ADAMTS15: variants seen among roughly 807,000 people sequenced by gnomAD.
The protein encoded by ADAMTS15 is A disintegrin and metalloproteinase with thrombospondin motifs 15.
ADAMTS15 carries 35 observed loss-of-function variants against 79.1 expected under a neutral mutation model. That is an observed-to-expected ratio of 0.44 (90% CI 0.34 to 0.59). The LOEUF is 0.59. Among genes scored for constraint, ADAMTS15 ranks in the 20% least tolerant of loss-of-function variants. The pLI is 0.02. For synonymous variants in ADAMTS15, 616 were observed against 567.3 expected (o/e 1.09, Z -1.22); for missense variants, 1,324 against 1,318.7 (o/e 1.00, Z -0.06).
chr11:130,452,143 A>AGTG (rs1257427685), intron 1 of ADAMTS15, among the ~76,000 whole-genome samples: 1 of 151,438 alleles, frequency 6.6e-6, no homozygotes, highest in Non-Finnish European at 1.5e-5. Flanking sequence ...GGGGGAAGGT[A>AGTG]CAGTATTTGA....
Position 130,449,466 on chromosome 11 carries a change from G to T in ADAMTS15, c.493G>T (p.Gly165Trp). Residue 165 changes from glycine to tryptophan, a missense_variant, in exon 1 of 8, where the codon GGG becomes TGG. Coordinates refer to ENST00000299164, the MANE Select transcript of ADAMTS15 (RefSeq NM_139055.4). The surrounding 1 kb of genome is among the most constrained non-coding windows in gnomAD (Gnocchi z 7.8). ...TCTCCAGCGCCGGGGTGTTCCGGGCGGGCCTTCCGGAGACCCCACCTCTCG... is the reference window on the plus strand; with the variant it reads ...TCTCCAGCGCCGGGGTGTTCCGGGCTGGCCTTCCGGAGACCCCACCTCTCG... The part of the protein sequence containing the change: ...HLLQRRGVPG[G>W]PSGDPTSRCG... The T allele has an allele frequency of 6.4e-7, 1 of 1,569,394 alleles. No individual in the cohort carries two copies. The highest frequency in any genetic ancestry group is 1.2e-5 in the South Asian group (1 of 85,988).
chr11:130,454,077 C>G (rs1938023740), intron 1 of ADAMTS15, among the ~76,000 whole-genome samples: 1 of 152,188 alleles, frequency 6.6e-6, no homozygotes, highest in Admixed American at 6.5e-5. Flanking sequence ...CTTGGCCTCC[C>G]AAAGTGCTGA....
intron 5 of ADAMTS15, among the ~76,000 whole-genome samples, chr11:130,470,212 A>G (rs200613494): frequency 0.049 from 2,557 of 51,872 alleles, 137 homozygotes; most frequent in Middle Eastern, 0.087. Context: ...ATATATATGT[A>G]TATATATATA....
Position 130,471,021 on chromosome 11 carries a change from T to G in ADAMTS15, c.1822T>G (p.Ser608Ala). ...TLAVAWVPKY[S>A]GVSPRDKCKL... The stretch of plus-strand genomic sequence containing the variant: ...CGCCGTGGCATGGGTGCCCAAGTAC[T>G]CCGGCGTGTCTCCCCGGGACAAGTG... The change falls in exon 6 of 8, where the codon TCC becomes GCC. Residue 608 changes from serine (S) to alanine (A), a missense_variant. Coordinates refer to ENST00000299164, the MANE Select transcript of ADAMTS15 (RefSeq NM_139055.4). The G allele has an allele frequency of 3.1e-6, 5 of 1,613,784 alleles. No individual in the cohort carries two copies. The highest frequency in any genetic ancestry group is 3.4e-6 in the Non-Finnish European group (4 of 1,180,030).
In ADAMTS15 at chr11:130,472,498, A is replaced by G. The variant is rs1938478626; in HGVS notation, c.2079-549A>G. The stretch of plus-strand genomic sequence containing the variant: ...GGAGCCTTAGAAATCATTTAGCTTA[A>G]CCTACTCATTATGCAGATGAGGACA... On this transcript the variant is annotated intron_variant, in intron 7 of 7. Coordinates refer to ENST00000299164, the MANE Select transcript of ADAMTS15 (RefSeq NM_139055.4). This position sits in a 1 kb window ranked among gnomAD's most constrained non-coding sequence, Gnocchi z 4.7. Among the ~76,000 whole-genome samples the G allele has an allele frequency of 6.6e-6, 1 of 152,118 alleles. No homozygotes were observed. Among genetic ancestry groups the G allele is most frequent in the Non-Finnish European group, 1.5e-5 (1 of 68,024 alleles).
In ADAMTS15 at chr11:130,449,763, A is replaced by G; in HGVS notation, c.790A>G (p.Ile264Val). ...RHPSILNPIN[I>V]VVVKVLLLRD... ...TCCCAGCATCCTCAACCCCATCAAC[A>G]TCGTTGTGGTCAAGGTGCTGCTTCT... The change falls in exon 1 of 8, where the codon ATC becomes GTC. Residue 264 changes from isoleucine to valine, a missense_variant. Physicochemically the swap from Ile to Val is conservative, Grantham distance 29 (BLOSUM62 3). Transcript: ENST00000299164. The surrounding 1 kb of genome is among the most constrained non-coding windows in gnomAD (Gnocchi z 7.8). 1 of 1,612,576 alleles carries G rather than the reference A, an allele frequency of 6.2e-7. No homozygotes were observed. The highest frequency in any genetic ancestry group is 8.5e-7 in the Non-Finnish European group (1 of 1,179,950).
At chr11:130,463,211 T>C (rs1281334149) in intron 4 of ADAMTS15, among the ~76,000 whole-genome samples, 1 of 152,186 alleles carries the variant, frequency 6.6e-6, no homozygotes, top group African/African-American at 2.4e-5. Context: ...GGGACCATGC[T>C]CAGGAACAGG....
intron 4 of ADAMTS15, 71 bp from the exon 5 acceptor site, chr11:130,469,190 GT>G: frequency 7.6e-7 from 1 of 1,316,602 alleles, no homozygotes; most frequent in South Asian, 2.5e-5. Context: ...GTACAGTGTA[GT>G]TTTCTATGGG....
chr11:130,451,028 A>G (rs965824289), intron 1 of ADAMTS15, among the ~76,000 whole-genome samples: 2 of 152,202 alleles, frequency 1.3e-5, no homozygotes, highest in African/African-American at 4.8e-5. Flanking sequence ...AAACGTTTAG[A>G]TTCACAGGTG....
At chr11:130,457,001 G>A (rs1343653674) in intron 1 of ADAMTS15, among the ~76,000 whole-genome samples, 1 of 152,126 alleles carries the variant, frequency 6.6e-6, no homozygotes, top group Non-Finnish European at 1.5e-5. Context: ...GGGAGGCTGG[G>A]GTGGGTGGAT....
At position 130,472,975 on chromosome 11, in the gene ADAMTS15, A is replaced by C; in HGVS notation, c.2079-72A>C. On this transcript the variant is annotated intron_variant, in intron 7 of 7. Transcript: ENST00000299164. This position sits in a 1 kb window ranked among gnomAD's most constrained non-coding sequence, Gnocchi z 4.7. Reference sequence around the variant, plus strand: ...ACCGAAAGCTAGGTTTACTGAGGAAAACAGATCCTGGAGCATAAGGTCCTC... The same window carrying C: ...ACCGAAAGCTAGGTTTACTGAGGAACACAGATCCTGGAGCATAAGGTCCTC... The C allele has an allele frequency of 6.4e-7, 1 of 1,559,146 alleles. No individual in the cohort carries two copies. Among genetic ancestry groups the C allele is most frequent in the Non-Finnish European group, 8.7e-7 (1 of 1,151,986 alleles).
intron 4 of ADAMTS15, among the ~76,000 whole-genome samples, chr11:130,466,001 T>G (rs1476706505): frequency 4.6e-5 from 7 of 152,072 alleles, no homozygotes; most frequent in Admixed American, 4.6e-4. Flanking sequence ...GCCTCCCCAG[T>G]AGCTGGGATT....
At chr11:130,461,812 C>T (rs988344744) in intron 2 of ADAMTS15, among the ~76,000 whole-genome samples, 191 bp downstream of exon 2, 1 of 152,182 alleles carries the variant, frequency 6.6e-6, no homozygotes, top group African/African-American at 2.4e-5. Context: ...GTGGTTTGAG[C>T]CCCTTGGCAG....
intron 4 of ADAMTS15, among the ~76,000 whole-genome samples, chr11:130,464,591 C>A (rs561824917): frequency 1.3e-5 from 2 of 152,254 alleles, no homozygotes; most frequent in East Asian, 3.9e-4. Context: ...TCCCATCATG[C>A]CTCACCCTTC....
At chr11:130,454,696 G>C (rs1241226984) in intron 1 of ADAMTS15, among the ~76,000 whole-genome samples, 1 of 152,184 alleles carries the variant, frequency 6.6e-6, no homozygotes, top group African/African-American at 2.4e-5. Flanking sequence ...GAAGGAGTGG[G>C]AAGAGAGAGG....
At chr11:130,456,053 C>G (rs1938071943) in intron 1 of ADAMTS15, among the ~76,000 whole-genome samples, 1 of 152,198 alleles carries the variant, frequency 6.6e-6, no homozygotes, top group Non-Finnish European at 1.5e-5. Flanking sequence ...CCCTTCCTCT[C>G]TGTCTAACCT....
chr11:130,470,173 T>TAC (rs1938411806), intron 5 of ADAMTS15, among the ~76,000 whole-genome samples: 2 of 60,000 alleles, frequency 3.3e-5, no homozygotes, highest in African/African-American at 2.0e-4. Flanking sequence ...TATATATATA[T>TAC]ATATATATGT....
chr11:130,452,926 C>T (rs1261301831), intron 1 of ADAMTS15, among the ~76,000 whole-genome samples: 2 of 150,578 alleles, frequency 1.3e-5, no homozygotes, highest in East Asian at 2.0e-4. Flanking sequence ...GGTTGCAGTG[C>T]GCCGAGATCA....
In ADAMTS15 at chr11:130,472,544, C is replaced by G. The variant is rs1411377274; in HGVS notation, c.2079-503C>G. Among the ~76,000 whole-genome samples the G allele has an allele frequency of 6.6e-6, 1 of 152,204 alleles. No individual in the cohort carries two copies. The highest frequency in any genetic ancestry group is 1.5e-5 in the Non-Finnish European group (1 of 68,040). ...GGACACCAGAATCCAGAGATACTGG[C>G]TTGCTTAAAATTGCCAGGAGTTGGC... On this transcript the variant is annotated intron_variant, in intron 7 of 7. Transcript: ENST00000299164. This position sits in a 1 kb window ranked among gnomAD's most constrained non-coding sequence, Gnocchi z 4.7.
Sources: allele counts gnomAD v4.1 joint callset (sites outside exome capture counted in the v4.1 genomes callset), GRCh38; gene constraint gnomAD v4.1.1; non-coding constraint Gnocchi (gnomAD v3.1); transcripts MANE v1.5; gene names NCBI Gene and HGNC (gene_info 2026-07-23, HGNC 2026-07-21).